Variants in KIAA1328 observed in about 807,000 individuals in gnomAD.
The protein encoded by KIAA1328 is protein hinderin.
KIAA1328 carries 52 observed loss-of-function variants against 68.1 expected under a neutral mutation model. The ratio of observed to expected loss-of-function variants is 0.76; its 90% CI spans 0.61 to 0.96. The LOEUF (loss-of-function observed/expected upper bound fraction) is 0.96, where lower values mean the gene tolerates loss of function less well. KIAA1328 is among the 40% of genes least tolerant of loss of function. The pLI is 0.00. For synonymous variants in KIAA1328, 232 were observed against 239.4 expected, an observed-to-expected ratio of 0.97 and a Z score of 0.28; for missense variants, 641 against 677.6, an observed-to-expected ratio of 0.95 and a Z score of 0.60.
intron 7 of KIAA1328, among the ~76,000 whole-genome samples, chr18:37,135,334 C>T (rs1406715321): frequency 6.6e-6 from 1 of 152,148 alleles, no homozygotes; most frequent in East Asian, 1.9e-4. Context: ...ATAAGTGTTC[C>T]TTTTTCTCTA....
At chr18:36,847,901 T>TG in intron 4 of KIAA1328, among the ~76,000 whole-genome samples, 1 of 151,874 alleles carries the variant, frequency 6.6e-6, no homozygotes, top group South Asian at 2.1e-4. Context: ...TGAACATACA[T>TG]GCATGGTTTA....
chr18:36,875,537 A>G (rs2048091730), intron 4 of KIAA1328, among the ~76,000 whole-genome samples: 1 of 152,246 alleles, frequency 6.6e-6, no homozygotes, highest in Non-Finnish European at 1.5e-5. Context: ...ACTTTGCTCA[A>G]GTTGCTTATC....
At chr18:37,165,608 T>C (rs1038612235) in intron 8 of KIAA1328, among the ~76,000 whole-genome samples, 1 of 148,364 alleles carries the variant, frequency 6.7e-6, no homozygotes, top group Non-Finnish European at 1.5e-5. Context: ...TTTTTTTTTT[T>C]AGACAGAGTT....
chr18:36,921,257 T>C (rs2049910868), intron 5 of KIAA1328: 1 of 152,146 alleles, frequency 6.6e-6, no homozygotes, highest in African/African-American at 2.4e-5. Context: ...TATTTTTTTT[T>C]TTTTGTAGGT....
At chr18:36,922,705 T>TA (rs1276214116) in intron 5 of KIAA1328, among the ~76,000 whole-genome samples, 1 of 152,138 alleles carries the variant, frequency 6.6e-6, no homozygotes, top group Non-Finnish European at 1.5e-5. Flanking sequence ...CTTTTTAAAA[T>TA]AAAAAACTTT....
At chr18:37,021,738 T>G (rs1323231924) in intron 6 of KIAA1328, among the ~76,000 whole-genome samples, 1 of 152,006 alleles carries the variant, frequency 6.6e-6, no homozygotes, top group Non-Finnish European at 1.5e-5. Context: ...TTTTTCTCTT[T>G]TCTTTCTTGT....
At chr18:36,941,269 T>C (rs2050701224) in intron 5 of KIAA1328, among the ~76,000 whole-genome samples, 1 of 152,140 alleles carries the variant, frequency 6.6e-6, no homozygotes. Context: ...GCTCTGTACC[T>C]GAGGAGAGAG....
intron 6 of KIAA1328, among the ~76,000 whole-genome samples, chr18:37,011,178 G>T (rs1011561254): frequency 6.6e-6 from 1 of 152,064 alleles, no homozygotes; most frequent in Non-Finnish European, 1.5e-5. Flanking sequence ...TATAGATTCT[G>T]CCCTAAAGGG....
intron 7 of KIAA1328, among the ~76,000 whole-genome samples, chr18:37,079,908 A>C (rs2056892219): frequency 6.6e-6 from 1 of 151,422 alleles, no homozygotes; most frequent in African/African-American, 2.4e-5. Flanking sequence ...AAAACAGTTC[A>C]ATAAGTCTAA....
intron 6 of KIAA1328, among the ~76,000 whole-genome samples, chr18:37,043,969 A>C (rs1313818802): frequency 1.3e-5 from 2 of 152,222 alleles, no homozygotes; most frequent in Non-Finnish European, 2.9e-5. Context: ...ATGCAAAATC[A>C]TACAATAAAA....
chr18:37,038,259 C>T (rs2055107314), intron 6 of KIAA1328, among the ~76,000 whole-genome samples: 2 of 152,086 alleles, frequency 1.3e-5, no homozygotes, highest in South Asian at 2.1e-4. Flanking sequence ...GGCTGCTTTT[C>T]GTTTGGGAAG....
At chr18:36,896,904 T>C (rs2048884332) in intron 5 of KIAA1328, among the ~76,000 whole-genome samples, 1 of 152,172 alleles carries the variant, frequency 6.6e-6, no homozygotes, top group African/African-American at 2.4e-5. Context: ...TGAGTGACTT[T>C]ATTATTAATC....
intron 7 of KIAA1328, among the ~76,000 whole-genome samples, chr18:37,118,442 G>T (rs990060976): frequency 6.6e-6 from 1 of 152,132 alleles, no homozygotes; most frequent in Admixed American, 6.5e-5. Flanking sequence ...GAATTGGGTT[G>T]TTGTAGTTTC....
chr18:37,065,748 G>T (rs1310244901), intron 6 of KIAA1328, among the ~76,000 whole-genome samples: 1 of 151,990 alleles, frequency 6.6e-6, no homozygotes, highest in Non-Finnish European at 1.5e-5. Flanking sequence ...TACCTTCATG[G>T]GCAAGTTGCT....
Position 36,885,692 on chromosome 18 carries a change from C to G in KIAA1328, c.448+20C>G, listed in dbSNP as rs200587646. 7.2e-5 allele frequency: 101 copies of G among 1,408,664 alleles called. No individual in the cohort carries two copies. Among genetic ancestry groups the G allele is most frequent in the Middle Eastern group, 5.5e-4 (3 of 5,436 alleles). The allele number at this position is 1,408,664 out of a possible 1,614,324, so 87.3% of individuals were successfully genotyped here. A position where few individuals can be genotyped will look rare whatever the true frequency, so the allele number is the denominator to read the frequency against. On this transcript the variant is annotated intron_variant, in intron 5 of 9. Transcript: ENST00000280020. ...GGGAAGATATCCTTTTGAAAGTTCT[C>G]TTTTTTAACGTTCAAGAAGTTTGAC...
intron 7 of KIAA1328, among the ~76,000 whole-genome samples, chr18:37,115,176 C>G (rs1276945937): frequency 6.6e-6 from 1 of 152,222 alleles, no homozygotes; most frequent in Non-Finnish European, 1.5e-5. Context: ...AGGCCAGCAT[C>G]ATCCTGATAC....
intron 9 of KIAA1328, among the ~76,000 whole-genome samples, chr18:37,212,550 T>G (rs967496107): frequency 2.0e-5 from 3 of 152,184 alleles, no homozygotes; most frequent in Admixed American, 1.3e-4. Flanking sequence ...AGGACACCGA[T>G]AAAGCATGAA....
At chr18:37,038,412 A>G (rs1225042639) in intron 6 of KIAA1328, among the ~76,000 whole-genome samples, 1 of 152,138 alleles carries the variant, frequency 6.6e-6, no homozygotes, top group Admixed American at 6.5e-5. Context: ...TATAAATTTT[A>G]TTCATTTTGA....
intron 9 of KIAA1328, among the ~76,000 whole-genome samples, chr18:37,202,029 C>T (rs2154219446): frequency 6.6e-6 from 1 of 152,278 alleles, no homozygotes; most frequent in South Asian, 2.1e-4. Context: ...CAATAGAGAA[C>T]ACATTCTTAC....
Sources: allele counts gnomAD v4.1 joint callset (sites outside exome capture counted in the v4.1 genomes callset), GRCh38; gene constraint gnomAD v4.1.1; transcripts MANE v1.5; gene names NCBI Gene and HGNC (gene_info 2026-07-23, HGNC 2026-07-21).